Variants in OPCML observed in about 807,000 individuals in gnomAD.
OPCML encodes opioid-binding protein/cell adhesion molecule.
In OPCML, 13 loss-of-function variants were observed where a neutral mutation model predicts 37.8. That is an observed-to-expected ratio of 0.34 (90% CI 0.22 to 0.55). The LOEUF (loss-of-function observed/expected upper bound fraction) is 0.55, where lower values mean the gene tolerates loss of function less well. Among genes scored for constraint, OPCML ranks in the 20% least tolerant of loss-of-function variants. OPCML has a pLI of 0.91. For synonymous variants in OPCML, 176 were observed against 168.8 expected (o/e 1.04, Z -0.33); for missense variants, 341 against 435.6 (o/e 0.78, Z 1.93).
At chr11:133,403,895 T>C (rs1475375003) in intron 1 of OPCML, among the ~76,000 whole-genome samples, 2 of 152,212 alleles carry the variant, frequency 1.3e-5, no homozygotes, top group Non-Finnish European at 2.9e-5. Context: ...TTCCAAGCAC[T>C]CTCCTAGGTG....
At chr11:133,246,648 A>G (rs980143793) in intron 1 of OPCML, among the ~76,000 whole-genome samples, 2 of 152,250 alleles carry the variant, frequency 1.3e-5, no homozygotes, top group Non-Finnish European at 1.5e-5. Flanking sequence ...CTCAAGCTCA[A>G]TGTGGATGCC....
At chr11:132,708,294 C>T (rs1944117982) in intron 2 of OPCML, among the ~76,000 whole-genome samples, 1 of 152,104 alleles carries the variant, frequency 6.6e-6, no homozygotes, top group Admixed American at 6.5e-5. Flanking sequence ...AATGAGTTTG[C>T]CTAGAGGAAT....
intron 1 of OPCML, among the ~76,000 whole-genome samples, chr11:133,436,080 A>G (rs1027503062): frequency 5.3e-5 from 8 of 152,230 alleles, no homozygotes; most frequent in Non-Finnish European, 5.9e-5. Context: ...AAAATACTCA[A>G]TTGAGGATTG....
intron 1 of OPCML, among the ~76,000 whole-genome samples, chr11:133,091,703 G>A (rs1407545991): frequency 6.6e-6 from 1 of 152,116 alleles, no homozygotes; most frequent in Admixed American, 6.5e-5. Context: ...CTCCCACCAT[G>A]GTATTTCAAA....
chr11:133,395,030 C>T (rs1216880779), intron 1 of OPCML, among the ~76,000 whole-genome samples: 1 of 152,134 alleles, frequency 6.6e-6, no homozygotes, highest in Non-Finnish European at 1.5e-5. Context: ...ATCCTGCCAG[C>T]ATTTGTTATT....
At chr11:132,495,571 G>A (rs2096228587) in intron 4 of OPCML, among the ~76,000 whole-genome samples, 1 of 152,146 alleles carries the variant, frequency 6.6e-6, no homozygotes, top group African/African-American at 2.4e-5. Context: ...GCTTATATAG[G>A]ATGAATATTG....
At chr11:132,780,810 G>T in intron 2 of OPCML, among the ~76,000 whole-genome samples, 1 of 152,138 alleles carries the variant, frequency 6.6e-6, no homozygotes, top group East Asian at 1.9e-4. Context: ...CTAACTAGTT[G>T]CAAATAACAC....
intron 1 of OPCML, among the ~76,000 whole-genome samples, chr11:132,953,017 A>G (rs963343531): frequency 6.6e-6 from 1 of 152,216 alleles, no homozygotes; most frequent in African/African-American, 2.4e-5. Flanking sequence ...GTAAAAAGTT[A>G]TCTATGAGGT....
intron 3 of OPCML, among the ~76,000 whole-genome samples, chr11:132,588,454 A>G (rs11607783): frequency 0.36 from 54,997 of 151,948 alleles, 11,090 homozygotes; most frequent in Non-Finnish European, 0.46. Flanking sequence ...TTACTACAGC[A>G]ATGGATTCCA....
chr11:133,475,959 A>G (rs1947229335), intron 1 of OPCML, among the ~76,000 whole-genome samples: 1 of 152,208 alleles, frequency 6.6e-6, no homozygotes, highest in South Asian at 2.1e-4. Flanking sequence ...GTGAGTAGCA[A>G]GCTGCATCCA....
At chr11:132,669,357 C>T (rs1255888413) in intron 2 of OPCML, among the ~76,000 whole-genome samples, 1 of 151,934 alleles carries the variant, frequency 6.6e-6, no homozygotes, top group Non-Finnish European at 1.5e-5. Flanking sequence ...GAAACACATC[C>T]AATTCCCTAA....
chr11:132,517,239 A>T (rs1335823715), intron 4 of OPCML, among the ~76,000 whole-genome samples: 1 of 152,194 alleles, frequency 6.6e-6, no homozygotes, highest in Non-Finnish European at 1.5e-5. Flanking sequence ...AAGCAAGAAA[A>T]GGTGACTTAT....
chr11:133,008,531 T>C (rs1254390280), intron 1 of OPCML: 5 of 709,288 alleles, frequency 7.0e-6, no homozygotes, highest in Non-Finnish European at 6.9e-6. Context: ...TGTGGAAGGC[T>C]CCCAGCTGAG....
intron 1 of OPCML, among the ~76,000 whole-genome samples, chr11:133,493,801 T>C (rs1397495400): frequency 6.6e-6 from 1 of 152,114 alleles, no homozygotes; most frequent in Non-Finnish European, 1.5e-5. Flanking sequence ...AATGCCTAGG[T>C]TTTCTTCTAG....
chr11:132,420,780 C>A (rs12417538), intron 7 of OPCML, among the ~76,000 whole-genome samples: 39,636 of 152,084 alleles, frequency 0.26, 5,487 homozygotes, highest in Non-Finnish European at 0.3. Flanking sequence ...AACCTCAATG[C>A]ATGCAACCTA....
At chr11:132,556,278 C>T (rs998227633) in intron 3 of OPCML, among the ~76,000 whole-genome samples, 3 of 152,128 alleles carry the variant, frequency 2.0e-5, no homozygotes, top group African/African-American at 7.2e-5. Flanking sequence ...GGAACCAGAA[C>T]ATATTAATTC....
intron 3 of OPCML, among the ~76,000 whole-genome samples, chr11:132,626,081 T>G (rs754651362): frequency 5.9e-5 from 9 of 151,868 alleles, no homozygotes; most frequent in Non-Finnish European, 1.0e-4. Flanking sequence ...TCAAGGAGCT[T>G]GCAGCATTTG....
intron 1 of OPCML, chr11:133,421,343 G>T (rs925085125): frequency 2.2e-5 from 22 of 985,394 alleles, no homozygotes; most frequent in Non-Finnish European, 2.5e-5. Flanking sequence ...TACAGGAAAT[G>T]ATTACAAGCC....
At chr11:133,329,037 T>C (rs932442573) in intron 1 of OPCML, among the ~76,000 whole-genome samples, 6 of 151,966 alleles carry the variant, frequency 3.9e-5, no homozygotes, top group African/African-American at 1.2e-4. Flanking sequence ...TATACACCAA[T>C]AACAGACAAA....
Sources: gnomAD v4.1 joint callset for allele counts (sites outside exome capture counted in the v4.1 genomes callset) on GRCh38, gnomAD v4.1.1 for gene constraint, MANE v1.5 for transcripts, NCBI Gene and HGNC (gene_info 2026-07-23, HGNC 2026-07-21) for gene names.